The following ARHGAP22 variants were observed in gnomAD, a reference collection of about 807,000 sequenced individuals.
ARHGAP22 encodes the protein Rho GTPase activating protein 22, also known as rho GTPase-activating protein 22.
A neutral mutation model predicts 59.1 loss-of-function variants in ARHGAP22; 48 were observed. That is an observed-to-expected ratio of 0.81 (90% CI 0.64 to 1.03). The LOEUF is 1.03. Among genes scored for constraint, ARHGAP22 ranks in the 50% least tolerant of loss-of-function variants. The pLI, the probability that ARHGAP22 is intolerant of heterozygous loss-of-function variation, is 0.00. For missense variants in ARHGAP22, 1,015 were observed against 958.7 expected, an observed-to-expected ratio of 1.06 and a Z score of -0.78; for synonymous variants, 445 against 416.4, an observed-to-expected ratio of 1.07 and a Z score of -0.84.
upstream of ARHGAP22, among the ~76,000 whole-genome samples, chr10:48,653,183 C>T (rs934418819): frequency 6.6e-6 from 1 of 152,214 alleles, no homozygotes; most frequent in African/African-American, 2.4e-5. Context: ...TCCTTGTCTC[C>T]TCTGTTCTAT....
chr10:48,463,499 G>A (rs185370186), intron 4 of ARHGAP22, among the ~76,000 whole-genome samples: 285 of 152,238 alleles, frequency 1.9e-3, no homozygotes, highest in African/African-American at 6.4e-3. Flanking sequence ...GGTGCCTGCC[G>A]CCTGCCTCCT....
At chr10:48,558,996 G>T (rs2057505147) in intron 2 of ARHGAP22, among the ~76,000 whole-genome samples, 1 of 152,258 alleles carries the variant, frequency 6.6e-6, no homozygotes, top group African/African-American at 2.4e-5. Context: ...GAGAGCCTGT[G>T]TTTTGCCAAG....
intron 1 of ARHGAP22, among the ~76,000 whole-genome samples, chr10:48,641,279 C>A (rs13377077): frequency 0.05 from 7,665 of 152,094 alleles, 577 homozygotes; most frequent in African/African-American, 0.17. Context: ...GGTCTAAATA[C>A]CTCAATCAAA....
chr10:48,614,289 G>A (rs1164527558), intron 1 of ARHGAP22, among the ~76,000 whole-genome samples: 1 of 152,232 alleles, frequency 6.6e-6, no homozygotes, highest in Admixed American at 6.5e-5. Flanking sequence ...CAGTTGAGAA[G>A]AGGACAGTAT....
At chr10:48,588,900 C>G (rs370408219) in intron 1 of ARHGAP22, among the ~76,000 whole-genome samples, 2 of 152,266 alleles carry the variant, frequency 1.3e-5, no homozygotes, top group African/African-American at 4.8e-5. Context: ...CCCTCCACCC[C>G]GTGGAGGGAG....
intron 8 of ARHGAP22, among the ~76,000 whole-genome samples, chr10:48,452,776 C>T (rs1225354347): frequency 6.6e-6 from 1 of 152,222 alleles, no homozygotes; most frequent in African/African-American, 2.4e-5. Flanking sequence ...GCGATTACCA[C>T]AGCACAGGCT....
Position 48,539,324 on chromosome 10 carries a change from C to T in ARHGAP22, c.322+16139G>A, listed in dbSNP as rs925187130. On this transcript the variant is annotated intron_variant, in intron 3 of 9. Transcript: ENST00000249601. ...TTTTTTTTTTTGAGACGGAGTCTCG[C>T]TCTGTCGCCCAGGCTGGAGTGCAGT... Among the ~76,000 whole-genome samples, 11 of 124,812 alleles carry T rather than the reference C, an allele frequency of 8.8e-5. No homozygotes were observed. The South Asian group carries it at 2.1e-3, about 24-fold the overall frequency. The allele number at this position is 124,812 out of a possible 152,430, so 81.9% of individuals were successfully genotyped here. A position where few individuals can be genotyped will look rare whatever the true frequency, so the allele number is the denominator to read the frequency against.
At chr10:48,633,017 G>C (rs2061681501) in intron 1 of ARHGAP22, among the ~76,000 whole-genome samples, 1 of 152,152 alleles carries the variant, frequency 6.6e-6, no homozygotes, top group Non-Finnish European at 1.5e-5. Flanking sequence ...CCACACGGAG[G>C]ACATCAGTGG....
upstream of ARHGAP22, among the ~76,000 whole-genome samples, chr10:48,654,647 G>C (rs978766479): frequency 6.7e-6 from 1 of 149,810 alleles, no homozygotes; most frequent in Non-Finnish European, 1.5e-5. Context: ...CTAAGGATAA[G>C]ATACATGAGA....
At chr10:48,598,341 C>T (rs1483032987) in intron 1 of ARHGAP22, among the ~76,000 whole-genome samples, 6 of 152,090 alleles carry the variant, frequency 3.9e-5, no homozygotes, top group Non-Finnish European at 7.4e-5. Context: ...GACTGGTGGC[C>T]TAAGGGCTGG....
intron 3 of ARHGAP22, among the ~76,000 whole-genome samples, chr10:48,483,481 C>T (rs1347357213): frequency 6.6e-6 from 1 of 152,152 alleles, no homozygotes; most frequent in Non-Finnish European, 1.5e-5. Flanking sequence ...GAGAAATCTC[C>T]ATACTGTTTT....
At chr10:48,446,766 A>G in intron 9 of ARHGAP22, 147 bp from the exon 10 acceptor site, 1 of 759,644 alleles carries the variant, frequency 1.3e-6, no homozygotes, top group East Asian at 2.7e-5. Flanking sequence ...TGCTCCTCAC[A>G]AGAACCCCAG....
intron 1 of ARHGAP22, among the ~76,000 whole-genome samples, chr10:48,643,763 AAATAT>A (rs2062166962): frequency 7.1e-6 from 1 of 140,726 alleles, no homozygotes. Context: ...AAAAAAAAAA[AAATAT>A]ATATATATAT....
intron 2 of ARHGAP22, among the ~76,000 whole-genome samples, chr10:48,567,775 A>C (rs1478446451): frequency 6.6e-6 from 1 of 152,146 alleles, no homozygotes; most frequent in Non-Finnish European, 1.5e-5. Flanking sequence ...CTTGGTGACC[A>C]CAGAGACAGA....
chr10:48,625,148 A>G (rs1192476667), intron 1 of ARHGAP22: 1 of 152,150 alleles, frequency 6.6e-6, no homozygotes, highest in Non-Finnish European at 1.5e-5. Flanking sequence ...GCTTCCTCAT[A>G]TGGAAAATAG....
At chr10:48,509,542 A>C (rs991567064) in intron 3 of ARHGAP22, among the ~76,000 whole-genome samples, 1 of 152,256 alleles carries the variant, frequency 6.6e-6, no homozygotes, top group Non-Finnish European at 1.5e-5. Context: ...AAGGCGGGCC[A>C]GCCTGGGAGC....
intron 1 of ARHGAP22, among the ~76,000 whole-genome samples, chr10:48,594,558 C>T (rs1454323931): frequency 6.6e-6 from 1 of 152,180 alleles, no homozygotes; most frequent in Non-Finnish European, 1.5e-5. Flanking sequence ...TATTTCCCTC[C>T]CCACCCCCAA....
intron 3 of ARHGAP22, among the ~76,000 whole-genome samples, chr10:48,527,032 A>T (rs2054388048): frequency 6.6e-6 from 1 of 152,228 alleles, no homozygotes; most frequent in Admixed American, 6.5e-5. Context: ...GCAACTCACA[A>T]AGGTTATCTC....
intron 2 of ARHGAP22, among the ~76,000 whole-genome samples, chr10:48,563,475 C>A (rs973668918): frequency 1.3e-5 from 2 of 152,166 alleles, no homozygotes; most frequent in African/African-American, 2.4e-5. Context: ...CAGGCGTGAG[C>A]CACCGCACCT....
Sources: gnomAD v4.1 joint callset for allele counts (sites outside exome capture counted in the v4.1 genomes callset) on GRCh38, gnomAD v4.1.1 for gene constraint, MANE v1.5 for transcripts, NCBI Gene and HGNC (gene_info 2026-07-23, HGNC 2026-07-21) for gene names.